ALG14: variants seen among roughly 807,000 people sequenced by gnomAD.
ALG14 encodes the protein UDP-N-acetylglucosamine transferase subunit ALG14.
Under a neutral mutation model 22.8 loss-of-function variants are expected in ALG14, and 17 were observed. That is an observed-to-expected ratio of 0.75 (90% CI 0.51 to 1.12). ALG14 has a LOEUF of 1.12. Among genes scored for constraint, ALG14 ranks in the 50% most tolerant of loss-of-function variants. The probability of loss-of-function intolerance (pLI) is 0.00; values close to 1 mark genes in which losing one functional copy is unlikely to be tolerated. For missense variants in ALG14, 288 were observed against 271.8 expected, an observed-to-expected ratio of 1.06 and a Z score of -0.42; for synonymous variants, 89 against 103.7, an observed-to-expected ratio of 0.86 and a Z score of 0.86.
At chr1:95,051,558 C>T (rs1674750528) in intron 2 of ALG14, among the ~76,000 whole-genome samples, 2 of 152,178 alleles carry the variant, frequency 1.3e-5, no homozygotes, top group South Asian at 4.1e-4. Flanking sequence ...CTCCCCATTT[C>T]ACTCACTGGA....
At chr1:94,984,474 G>T (rs1672586774) in intron 3 of ALG14, among the ~76,000 whole-genome samples, 1 of 152,186 alleles carries the variant, frequency 6.6e-6, no homozygotes, top group Admixed American at 6.5e-5. Flanking sequence ...CCACCAGGAG[G>T]TGTGACCACC....
intron 3 of ALG14, among the ~76,000 whole-genome samples, chr1:94,992,645 T>C (rs1017143340): frequency 7.2e-5 from 11 of 152,120 alleles, no homozygotes; most frequent in Non-Finnish European, 1.3e-4. Flanking sequence ...TCTGAACTTC[T>C]TGTAGTGAAT....
At chr1:95,028,494 C>T (rs941092771) in intron 2 of ALG14, among the ~76,000 whole-genome samples, 10 of 152,236 alleles carry the variant, frequency 6.6e-5, no homozygotes, top group Middle Eastern at 3.4e-3. Context: ...TCACTATACT[C>T]GGCCATGCAT....
At chr1:95,027,095 T>TA in intron 3 of ALG14, 34 bp downstream of exon 3, 1 of 1,611,110 alleles carries the variant, frequency 6.2e-7, no homozygotes, top group East Asian at 2.2e-5. Context: ...TACAGGGAGT[T>TA]ACTTTCTCTC....
chr1:95,026,437 T>C (rs2100770309), intron 3 of ALG14, among the ~76,000 whole-genome samples: 1 of 151,912 alleles, frequency 6.6e-6, no homozygotes, highest in Non-Finnish European at 1.5e-5. Context: ...TATTGTTGTG[T>C]CTCATAGACA....
chr1:95,000,512 C>T (rs71652599), intron 3 of ALG14, among the ~76,000 whole-genome samples: 4 of 126,346 alleles, frequency 3.2e-5, no homozygotes, highest in South Asian at 2.5e-4. Flanking sequence ...CTCCAGCCTG[C>T]GTAACAGAGC....
chr1:95,042,984 TC>T (rs1482489945), intron 2 of ALG14, among the ~76,000 whole-genome samples: 1 of 152,206 alleles, frequency 6.6e-6, no homozygotes, highest in African/African-American at 2.4e-5. Flanking sequence ...TTTCTTGAGT[TC>T]TTCAATGTGA....
At chr1:95,009,891 G>A (rs759890499) in intron 3 of ALG14, among the ~76,000 whole-genome samples, 7 of 152,076 alleles carry the variant, frequency 4.6e-5, no homozygotes, top group Non-Finnish European at 1.0e-4. Context: ...TGAGTAAAAA[G>A]CACATAAGAA....
At chr1:95,072,550 T>A (rs962982819) in intron 1 of ALG14, among the ~76,000 whole-genome samples, 5 of 152,100 alleles carry the variant, frequency 3.3e-5, no homozygotes, top group African/African-American at 1.2e-4. Flanking sequence ...TAGACAAGTG[T>A]AAATTACTTG....
intron 2 of ALG14, among the ~76,000 whole-genome samples, chr1:95,043,495 A>G (rs912843949): frequency 2.6e-5 from 4 of 152,182 alleles, no homozygotes; most frequent in Non-Finnish European, 5.9e-5. Flanking sequence ...CACATTAAAG[A>G]ATGAGGCATT....
rs928439740 is a variant in ALG14, at chr1:95,036,266, G to A, written c.289-9006C>T. Among the ~76,000 whole-genome samples, 14 of 152,200 alleles carry A rather than the reference G, an allele frequency of 9.2e-5. No individual in the cohort carries two copies. In the East Asian group the frequency reaches 2.5e-3, roughly 27 times the overall value. Reference sequence around the variant, plus strand: ...GCAGTTCCCCTGTGATAGTGCGTTAGTTCTCATGAGTTCTGATGGTTTTAT... The same window carrying A: ...GCAGTTCCCCTGTGATAGTGCGTTAATTCTCATGAGTTCTGATGGTTTTAT... On this transcript the variant is annotated intron_variant, in intron 2 of 3. Coordinates refer to ENST00000370205, the MANE Select transcript of ALG14 (RefSeq NM_144988.4).
At chr1:95,066,295 C>T (rs1675363136) in intron 1 of ALG14, among the ~76,000 whole-genome samples, 1 of 150,544 alleles carries the variant, frequency 6.6e-6, no homozygotes, top group South Asian at 2.1e-4. Flanking sequence ...GTGATCTCGG[C>T]TCATTGCAAC....
chr1:94,990,571 A>G (rs1163262263), intron 3 of ALG14, among the ~76,000 whole-genome samples: 3 of 152,210 alleles, frequency 2.0e-5, no homozygotes, highest in Non-Finnish European at 1.5e-5. Flanking sequence ...TTTTCCACGT[A>G]TACAACTACA....
At chr1:95,066,614 T>C (rs896780464) in intron 1 of ALG14, among the ~76,000 whole-genome samples, 1 of 152,206 alleles carries the variant, frequency 6.6e-6, no homozygotes, top group Non-Finnish European at 1.5e-5. Context: ...AGATTTAGTG[T>C]GAATTTCAGG....
At chr1:94,993,928 A>G (rs1214025507) in intron 3 of ALG14, among the ~76,000 whole-genome samples, 1 of 152,186 alleles carries the variant, frequency 6.6e-6, no homozygotes, top group Non-Finnish European at 1.5e-5. Flanking sequence ...ATGCATGTTC[A>G]TGGCTGCTTC....
In ALG14 at chr1:94,977,050, C is replaced by A. The variant is rs1672410575; in HGVS notation, c.*6026G>T. 3 of 152,188 alleles carry A rather than the reference C, an allele frequency of 2.0e-5. No homozygotes were observed. 9.4% of individuals were successfully genotyped at this position (152,188 alleles called of 1,614,324 possible). ...GCCTTGGCCATCATCTTGATTTCAG[C>A]CTTTTGAGATCTTGAGCAGAAAACC... On this transcript the variant is annotated 3_prime_UTR_variant, in exon 4 of 4. Transcript: ENST00000370205.
chr1:95,072,125 TC>T (rs1258541277), intron 1 of ALG14, among the ~76,000 whole-genome samples: 2 of 152,240 alleles, frequency 1.3e-5, no homozygotes, highest in African/African-American at 4.8e-5. Flanking sequence ...CTATACATGT[TC>T]TATCTGGATG....
At chr1:94,992,740 T>G (rs2100722629) in intron 3 of ALG14, among the ~76,000 whole-genome samples, 1 of 152,222 alleles carries the variant, frequency 6.6e-6, no homozygotes, top group African/African-American at 2.4e-5. Flanking sequence ...ACATATTCTC[T>G]TCTTGGGAAT....
At chr1:95,029,522 C>T (rs1043092646) in intron 2 of ALG14, among the ~76,000 whole-genome samples, 1 of 152,208 alleles carries the variant, frequency 6.6e-6, no homozygotes, top group African/African-American at 2.4e-5. Context: ...CTGGCTACCA[C>T]ACAGTTAAGT....
Sources: allele counts gnomAD v4.1 joint callset (sites outside exome capture counted in the v4.1 genomes callset), GRCh38; gene constraint gnomAD v4.1.1; transcripts MANE v1.5; gene names NCBI Gene and HGNC (gene_info 2026-07-23, HGNC 2026-07-21).